Variants in GSN observed in about 807,000 individuals in gnomAD.
GSN encodes the protein actin-depolymerizing factor.
In GSN, 56 loss-of-function variants were observed where a neutral mutation model predicts 85.7. The observed-to-expected ratio is 0.65, with a 90% confidence interval of 0.53 to 0.82. The LOEUF (loss-of-function observed/expected upper bound fraction) is 0.82, where lower values mean the gene tolerates loss of function less well. Ranked by LOEUF, GSN falls within the 40% of genes least tolerant of loss-of-function variation. GSN has a pLI of 0.00. For synonymous variants in GSN, 373 were observed against 399.1 expected, an observed-to-expected ratio of 0.93 and a Z score of 0.78; for missense variants, 857 against 979.8, an observed-to-expected ratio of 0.87 and a Z score of 1.67.
intron 1 of GSN, among the ~76,000 whole-genome samples, chr9:121,272,791 G>A (rs1483329298): frequency 6.6e-6 from 1 of 152,220 alleles, no homozygotes; most frequent in African/African-American, 2.4e-5. Flanking sequence ...TACAGATGAG[G>A]AAACTGAGGC....
At position 121,324,578 on chromosome 9, in the gene GSN, T is replaced by A. The variant is rs141406100; in HGVS notation, c.1350T>A (p.Asp450Glu). The A allele has an allele frequency of 8.4e-6, 13 of 1,543,278 alleles. No homozygotes were observed. Among genetic ancestry groups the A allele is most frequent in the Non-Finnish European group, 1.1e-5 (13 of 1,141,020 alleles). Residue 450 changes from aspartate to glutamate, a missense_variant, in exon 12 of 18, where the codon GAT becomes GAA. Physicochemically the swap from Asp to Glu is conservative, Grantham distance 45. Transcript: ENST00000432226. ...YNWQGAQSTQDEVAASAILTA... is the reference protein window; with the variant it reads ...YNWQGAQSTQEEVAASAILTA... ...GGCAGGGTGCCCAGTCTACCCAGGATGAGGTCGCTGCATCTGCCATCCTGA... is the reference window on the plus strand; with the variant it reads ...GGCAGGGTGCCCAGTCTACCCAGGAAGAGGTCGCTGCATCTGCCATCCTGA...
At chr9:121,289,395 G>T (rs867185094) in intron 2 of GSN, among the ~76,000 whole-genome samples, 1 of 152,126 alleles carries the variant, frequency 6.6e-6, no homozygotes. Context: ...GGTGAAAGCC[G>T]GGTAATTTTC....
intron 4 of GSN, among the ~76,000 whole-genome samples, chr9:121,230,418 C>T (rs1373982181): frequency 2.0e-5 from 3 of 152,170 alleles, no homozygotes; most frequent in Non-Finnish European, 4.4e-5. Context: ...TAGCTGTCTG[C>T]GCACAGAGCT....
intron 2 of GSN, among the ~76,000 whole-genome samples, chr9:121,287,870 C>G (rs1193148039): frequency 2.6e-5 from 4 of 152,052 alleles, no homozygotes; most frequent in Admixed American, 2.0e-4. Flanking sequence ...CAAAAGGATC[C>G]CTCATGCTTG....
chr9:121,289,794 G>C (rs12343047), intron 2 of GSN, among the ~76,000 whole-genome samples: 6 of 152,088 alleles, frequency 3.9e-5, no homozygotes, highest in African/African-American at 1.4e-4. Context: ...GGATGTTGTT[G>C]GGGGGTTAGT....
At chr9:121,233,102 C>G (rs1249958390) in intron 5 of GSN, among the ~76,000 whole-genome samples, 1 of 152,192 alleles carries the variant, frequency 6.6e-6, no homozygotes, top group Non-Finnish European at 1.5e-5. Flanking sequence ...TCTGTCAGCT[C>G]TGAGGTAGGC....
Position 121,324,549 on chromosome 9 carries a change from TC to T in GSN, c.1326-3del. 1 of 1,485,740 alleles carries T rather than the reference TC, an allele frequency of 6.7e-7. No individual in the cohort carries two copies. The highest frequency in any genetic ancestry group is 9.2e-7 in the Non-Finnish European group (1 of 1,088,650). The allele number at this position is 1,485,740 out of a possible 1,614,324, so 92.0% of individuals were successfully genotyped here. On this transcript the variant is annotated splice_polypyrimidine_tract_variant and splice_region_variant and intron_variant, in intron 11 of 17. Coordinates refer to ENST00000432226, the MANE Select transcript of GSN (RefSeq NM_198252.3). The stretch of plus-strand genomic sequence containing the variant: ...CCTGATGCTGAATCTCACTTCCCCT[TC>T]CAGGCAGGGTGCCCAGTCTACCCAG...
At chr9:121,211,845 A>G (rs2053974591) in intron 4 of GSN, among the ~76,000 whole-genome samples, 2 of 152,210 alleles carry the variant, frequency 1.3e-5, no homozygotes, top group Non-Finnish European at 2.9e-5. Flanking sequence ...GCAAAAAAAT[A>G]TATTTTTTGA....
chr9:121,327,583 C>T, intron 14 of GSN, 101 bp downstream of exon 14: 1 of 908,974 alleles, frequency 1.1e-6, no homozygotes, highest in Non-Finnish European at 1.6e-6. Flanking sequence ...CCCTCCATCC[C>T]ACCTGAGGGC....
chr9:121,318,322 C>A lies in GSN; in HGVS notation c.887-84C>A. On this transcript the variant is annotated intron_variant, in intron 8 of 17. Transcript: ENST00000432226. The surrounding 1 kb of genome is among the most constrained non-coding windows in gnomAD (Gnocchi z 4.3). ...AAGAGTAGGGAGGGAAGTTTGGCAG[C>A]TCCTTCTCCTGGACTGTTAAAGGTC... 8.9e-7 allele frequency: 1 copy of A among 1,121,994 alleles called. No homozygotes were observed. Among genetic ancestry groups the A allele is most frequent in the Non-Finnish European group, 1.4e-6 (1 of 731,740 alleles). 69.5% of individuals were successfully genotyped at this position (1,121,994 alleles called of 1,614,324 possible).
chr9:121,278,941 T>A (rs1475994922), intron 1 of GSN, among the ~76,000 whole-genome samples: 1 of 152,242 alleles, frequency 6.6e-6, no homozygotes, highest in African/African-American at 2.4e-5. Flanking sequence ...TGAATGTGTG[T>A]GTGCACGTGC....
At chr9:121,319,374 C>A (rs1044770889) in intron 10 of GSN, among the ~76,000 whole-genome samples, 1 of 152,158 alleles carries the variant, frequency 6.6e-6, no homozygotes, top group African/African-American at 2.4e-5. Context: ...CAGGGAGGGG[C>A]CTTGAATGCC....
chr9:121,246,825 C>T (rs2054708958), intron 5 of GSN, among the ~76,000 whole-genome samples: 1 of 152,176 alleles, frequency 6.6e-6, no homozygotes, highest in South Asian at 2.1e-4. Context: ...TCCAAAACTT[C>T]TGGAAGAAGA....
At chr9:121,224,089 A>G (rs2132122514) in intron 4 of GSN, among the ~76,000 whole-genome samples, 1 of 152,090 alleles carries the variant, frequency 6.6e-6, no homozygotes, top group African/African-American at 2.4e-5. Flanking sequence ...ATTTGAATAT[A>G]CATTTATTTA....
At chr9:121,294,222 G>C (rs1456153739) in intron 2 of GSN, among the ~76,000 whole-genome samples, 1 of 152,152 alleles carries the variant, frequency 6.6e-6, no homozygotes, top group Non-Finnish European at 1.5e-5. Flanking sequence ...CTGGTTCCAC[G>C]GTCCCAGCAT....
intron 5 of GSN, chr9:121,239,130 A>C (rs1333874051): frequency 1.4e-5 from 5 of 353,956 alleles, no homozygotes; most frequent in Non-Finnish European, 2.2e-5. Context: ...CTGCATGTTC[A>C]TATATAGTGG....
intron 2 of GSN, chr9:121,286,600 A>C: frequency 6.7e-7 from 1 of 1,498,096 alleles, no homozygotes; most frequent in African/African-American, 1.4e-5. Context: ...TTGTGCTCCC[A>C]GGGCCCACAA....
chr9:121,204,404 A>G (rs186909636), upstream of GSN, among the ~76,000 whole-genome samples: 160 of 152,296 alleles, frequency 1.1e-3, no homozygotes, highest in Non-Finnish European at 2.0e-3. Context: ...CTGCTTTCCT[A>G]TGTGAAAGAC....
Position 121,316,960 on chromosome 9 carries a change from G to T in GSN, c.754-126G>T, listed in dbSNP as rs920109471. The T allele has an allele frequency of 4.2e-6, 5 of 1,190,912 alleles. No individual in the cohort carries two copies. In the East Asian group the frequency reaches 1.2e-4, roughly 28 times the overall value. 73.8% of individuals were successfully genotyped at this position (1,190,912 alleles called of 1,614,324 possible). The stretch of plus-strand genomic sequence containing the variant: ...CGAAAAAGAACCTCTAAATGTGTGC[G>T]AGAGGAAGCCCAGGTGTTACTCTAC... On this transcript the variant is annotated intron_variant, in intron 7 of 17. Coordinates refer to ENST00000432226, the MANE Select transcript of GSN (RefSeq NM_198252.3).
Sources: gnomAD v4.1 joint callset for allele counts (sites outside exome capture counted in the v4.1 genomes callset) on GRCh38, gnomAD v4.1.1 for gene constraint, Gnocchi (gnomAD v3.1) non-coding constraint, MANE v1.5 for transcripts, NCBI Gene and HGNC (gene_info 2026-07-23, HGNC 2026-07-21) for gene names.